Variants in P3H2 observed in about 807,000 individuals in gnomAD.
The protein encoded by P3H2 is prolyl 3-hydroxylase 2.
A neutral mutation model predicts 87.0 loss-of-function variants in P3H2; 80 were observed. That is an observed-to-expected ratio of 0.92 (90% confidence interval 0.77 to 1.11). The LOEUF is 1.11. P3H2 is among the 50% of genes least tolerant of loss of function. P3H2 has a pLI of 0.00. For synonymous variants in P3H2, 367 were observed against 359.3 expected (o/e 1.02, Z -0.24); for missense variants, 1,001 against 923.9 (o/e 1.08, Z -1.08).
intron 1 of P3H2, among the ~76,000 whole-genome samples, chr3:190,110,262 G>A (rs1019515602): frequency 2.0e-5 from 3 of 152,152 alleles, no homozygotes; most frequent in African/African-American, 7.2e-5. Flanking sequence ...ATCACTGCTT[G>A]GAGGGGAGTG....
rs759184471 is a variant in P3H2, at chr3:189,970,910, A to T, written c.1818-19T>A. 3 of 1,326,244 alleles carry T rather than the reference A, an allele frequency of 2.3e-6. No homozygotes were observed. The highest frequency in any genetic ancestry group is 3.4e-5 in the Admixed American group (2 of 59,656). 82.2% of individuals were successfully genotyped at this position (1,326,244 alleles called of 1,614,324 possible). A position where few individuals can be genotyped will look rare whatever the true frequency, so the allele number is the denominator to read the frequency against. ...GAGAGCACTATAAGAATGAAGAGAA[A>T]ACTATTTGTATTATTATATGCTTAT... is the stretch of plus-strand genomic sequence containing the variant. On this transcript the variant is annotated intron_variant, in intron 12 of 14. Coordinates refer to ENST00000319332, the MANE Select transcript of P3H2 (RefSeq NM_018192.4).
rs1712550248 is a variant in P3H2 at position 190,120,803 on chromosome 3, C to T, written c.-72G>A. 6 of 1,483,026 alleles carry T rather than the reference C, an allele frequency of 4.0e-6. No homozygotes were observed. The highest frequency in any genetic ancestry group is 4.5e-6 in the Non-Finnish European group (5 of 1,120,926). 91.9% of individuals were successfully genotyped at this position (1,483,026 alleles called of 1,614,324 possible). A position where few individuals can be genotyped will look rare whatever the true frequency, so the allele number is the denominator to read the frequency against. ...GGGGCACCTCGCGTCCGGGTCCCCT[C>T]TCCCACCTTCCCTCGGGGAAGCGCG... On this transcript the variant is annotated 5_prime_UTR_variant, in exon 1 of 15. Transcript: ENST00000319332.
chr3:190,078,885 T>G (rs1195410458), intron 1 of P3H2, among the ~76,000 whole-genome samples: 2 of 152,166 alleles, frequency 1.3e-5, no homozygotes, highest in Non-Finnish European at 2.9e-5. Flanking sequence ...GGAAGAGTGG[T>G]CAGACAGCTC....
At chr3:190,112,715 C>T (rs1332674088) in intron 1 of P3H2, among the ~76,000 whole-genome samples, 1 of 149,958 alleles carries the variant, frequency 6.7e-6, no homozygotes, top group Non-Finnish European at 1.5e-5. Context: ...CAACAGTCTG[C>T]AGTCCTCTTC....
Position 190,007,965 on chromosome 3 carries a change from C to CACACACACACACACACATAT in P3H2, c.481-12524_481-12523insATATGTGTGTGTGTGTGTGT. Among the ~76,000 whole-genome samples, 249 of 94,354 alleles carry CACACACACACACACACATAT rather than the reference C, an allele frequency of 2.6e-3. 6 individuals are homozygous for CACACACACACACACACATAT. The highest frequency in any genetic ancestry group is 0.024 in the East Asian group (63 of 2,606). The allele number at this position is 94,354 out of a possible 152,430, so 61.9% of individuals were successfully genotyped here. A position where few individuals can be genotyped will look rare whatever the true frequency, so the allele number is the denominator to read the frequency against. ...GCCTGAGACTCTATTTGTTGACACACATATATATATATATATATATAGTAA... is the reference window on the plus strand; with the variant it reads ...GCCTGAGACTCTATTTGTTGACACACACACACACACACACACATATATATATATATATATATATATAGTAA... On this transcript the variant is annotated intron_variant, in intron 1 of 14. Transcript: ENST00000319332.
At chr3:190,115,713 G>A (rs1712263772) in intron 1 of P3H2, among the ~76,000 whole-genome samples, 1 of 152,164 alleles carries the variant, frequency 6.6e-6, no homozygotes, top group Admixed American at 6.5e-5. Context: ...CAACTGACCA[G>A]CCAGGAAGCC....
intron 1 of P3H2, among the ~76,000 whole-genome samples, chr3:190,038,494 A>G (rs1275956713): frequency 4.1e-5 from 4 of 96,402 alleles, no homozygotes; most frequent in Non-Finnish European, 7.6e-5. Flanking sequence ...ATGAAAAAAA[A>G]AAAAAAAAAA....
intron 1 of P3H2, among the ~76,000 whole-genome samples, chr3:190,002,175 T>C (rs1044371126): frequency 1.3e-5 from 2 of 152,138 alleles, no homozygotes; most frequent in Non-Finnish European, 2.9e-5. Context: ...AATACATTAA[T>C]ATAACTTGTA....
At chr3:189,985,157 A>G (rs1181928487) in intron 6 of P3H2, among the ~76,000 whole-genome samples, 1 of 152,050 alleles carries the variant, frequency 6.6e-6, no homozygotes, top group Non-Finnish European at 1.5e-5. Context: ...TAAGAAATGA[A>G]AAAAGGTTGT....
chr3:189,994,712 G>T (rs1206124584), intron 2 of P3H2, among the ~76,000 whole-genome samples: 1 of 146,258 alleles, frequency 6.8e-6, no homozygotes, highest in African/African-American at 2.5e-5. Flanking sequence ...CCTTTTCTGT[G>T]ATAATTTTGG....
At chr3:189,977,997 T>C (rs1723405276) in intron 8 of P3H2, among the ~76,000 whole-genome samples, 1 of 152,170 alleles carries the variant, frequency 6.6e-6, no homozygotes, top group South Asian at 2.1e-4. Flanking sequence ...CTGATTAAAG[T>C]TTGTAGTCAA....
intron 1 of P3H2, among the ~76,000 whole-genome samples, chr3:190,007,963 C>CATATATATATATATATATATATAT (rs1385863469): frequency 1.0e-4 from 2 of 19,900 alleles, no homozygotes; most frequent in African/African-American, 4.3e-4. Flanking sequence ...TTTGTTGACA[C>CATATATATATATATATATATATAT]ACATATATAT....
intron 3 of P3H2, among the ~76,000 whole-genome samples, chr3:189,991,962 G>C (rs1348022764): frequency 6.6e-6 from 1 of 152,122 alleles, no homozygotes; most frequent in Admixed American, 6.5e-5. Context: ...GAGTTAGGAA[G>C]TGTTCAGTGC....
At chr3:189,984,660 T>C (rs1723637453) in intron 6 of P3H2, 70 bp from the exon 7 acceptor site, 3 of 1,046,482 alleles carry the variant, frequency 2.9e-6, no homozygotes, top group East Asian at 4.8e-5. Context: ...AGAATTAAGA[T>C]AAAATAAAAT....
chr3:190,012,118 G>C (rs1022304804), intron 1 of P3H2, among the ~76,000 whole-genome samples: 10 of 152,114 alleles, frequency 6.6e-5, no homozygotes, highest in Admixed American at 3.9e-4. Context: ...TTGAAATTGG[G>C]ACAAATTATG....
rs2108531516 is a variant in P3H2, at chr3:190,120,350, G to C, written c.382C>G (p.Leu128Val). ...CGGTGGCGGGATGCGGGGCCCCCGAGGCGCTGGGTCTCACAGCTGCGATAA... is the reference window on the plus strand; with the variant it reads ...CGGTGGCGGGATGCGGGGCCCCCGACGCGCTGGGTCTCACAGCTGCGATAA... ...RCYRSCETQR[L>V]GGPASRHRVS... Residue 128 changes from leucine (L) to valine (V), a missense_variant, in exon 1 of 15, where the codon CTC becomes GTC. Leu to Val is a conservative substitution (Grantham distance 32). Transcript: ENST00000319332. 6.3e-7 allele frequency: 1 copy of C among 1,580,190 alleles called. No individual in the cohort carries two copies. The highest frequency in any genetic ancestry group is 8.6e-7 in the Non-Finnish European group (1 of 1,167,180).
intron 1 of P3H2, among the ~76,000 whole-genome samples, chr3:190,072,031 G>C (rs1726717244): frequency 6.9e-6 from 1 of 144,172 alleles, no homozygotes; most frequent in Admixed American, 7.1e-5. Context: ...GCCCCGGCTG[G>C]AGTGCAGTGG....
chr3:189,995,169 T>C (rs1456698643), intron 2 of P3H2, 121 bp downstream of exon 2: 3 of 927,618 alleles, frequency 3.2e-6, no homozygotes, highest in Non-Finnish European at 3.2e-6. Context: ...AGTCCAAAAA[T>C]GTTACTAAAA....
chr3:189,998,766 TC>T (rs1196175957), intron 1 of P3H2, among the ~76,000 whole-genome samples: 1 of 152,194 alleles, frequency 6.6e-6, no homozygotes, highest in East Asian at 1.9e-4. Context: ...AAGGCAGTGG[TC>T]CCCAGTCTTT....
Sources: allele counts gnomAD v4.1 joint callset (sites outside exome capture counted in the v4.1 genomes callset), GRCh38; gene constraint gnomAD v4.1.1; transcripts MANE v1.5; gene names NCBI Gene and HGNC (gene_info 2026-07-23, HGNC 2026-07-21).